Variants in AJAP1 observed in about 807,000 individuals in gnomAD.
AJAP1 encodes adherens junction-associated protein 1.
AJAP1 carries 5 observed loss-of-function variants against 35.0 expected under a neutral mutation model. That is an observed-to-expected ratio of 0.14 (90% CI 0.07 to 0.30). The LOEUF is 0.30. Among genes scored for constraint, AJAP1 ranks in the 10% least tolerant of loss-of-function variants. The pLI is 1.00. For synonymous variants in AJAP1, 284 were observed against 249.3 expected, an observed-to-expected ratio of 1.14 and a Z score of -1.31; for missense variants, 586 against 571.0, an observed-to-expected ratio of 1.03 and a Z score of -0.27.
intron 1 of AJAP1, among the ~76,000 whole-genome samples, chr1:4,695,166 A>G (rs9970616): frequency 0.094 from 14,360 of 152,098 alleles, 858 homozygotes; most frequent in African/African-American, 0.16. Flanking sequence ...GGGAGTGGCC[A>G]TGTAGGGACT....
chr1:4,713,154 CCATGGACGGGGG>C (rs1435678654), intron 2 of AJAP1, among the ~76,000 whole-genome samples: 1 of 152,180 alleles, frequency 6.6e-6, no homozygotes, highest in Non-Finnish European at 1.5e-5. Flanking sequence ...GGTATGGGAC[CCATGGACGGGGG>C]CATGGACGGG....
At chr1:4,756,918 G>T (rs1454535403) in intron 2 of AJAP1, among the ~76,000 whole-genome samples, 1 of 152,096 alleles carries the variant, frequency 6.6e-6, no homozygotes, top group African/African-American at 2.4e-5. Context: ...TGGAACCTCA[G>T]GCTGCCCCTA....
At chr1:4,672,039 C>T (rs917032250) in intron 1 of AJAP1, among the ~76,000 whole-genome samples, 1 of 152,204 alleles carries the variant, frequency 6.6e-6, no homozygotes, top group African/African-American at 2.4e-5. Flanking sequence ...GCAGTCGCGT[C>T]TGAGACTCAC....
chr1:4,739,319 C>G (rs545117649), intron 2 of AJAP1, among the ~76,000 whole-genome samples: 1 of 152,148 alleles, frequency 6.6e-6, no homozygotes, highest in East Asian at 1.9e-4. Flanking sequence ...TGGGGTCTGC[C>G]GGCCTTGGAA....
chr1:4,708,367 GGTCGGCAGCCAT>G (rs1222801636), intron 1 of AJAP1, among the ~76,000 whole-genome samples: 2 of 152,146 alleles, frequency 1.3e-5, no homozygotes, highest in Admixed American at 1.3e-4. Context: ...TTGGTGCTGT[GGTCGGCAGCCAT>G]GCCACAGGGC....
Position 4,696,659 on chromosome 1 carries a change from G to A in AJAP1, c.30-15241G>A, listed in dbSNP as rs368999862. ...GGAACCTTGCAAGGACTTGGAAACC[G>A]CAGCCAGTGATTGTTGTGTGTGCAT... is the stretch of plus-strand genomic sequence containing the variant. On this transcript the variant is annotated intron_variant, in intron 1 of 5. Coordinates refer to ENST00000378191, the MANE Select transcript of AJAP1 (RefSeq NM_018836.4). 2.2e-4 allele frequency among the ~76,000 whole-genome samples: 34 copies of A among 152,354 alleles called. No homozygotes were observed. In the East Asian group the frequency reaches 5.4e-3, roughly 24 times the overall value.
intron 1 of AJAP1, among the ~76,000 whole-genome samples, chr1:4,708,920 A>G (rs1378866113): frequency 6.6e-6 from 1 of 152,198 alleles, no homozygotes; most frequent in Non-Finnish European, 1.5e-5. Context: ...TCACTTTAAA[A>G]AGGAAGAAAC....
In AJAP1 at chr1:4,772,540, T is replaced by C. The variant is rs758323250; in HGVS notation, c.1163+15T>C. 1.2e-6 allele frequency: 2 copies of C among 1,611,082 alleles called. No homozygotes were observed. The highest frequency in any genetic ancestry group is 2.2e-5 in the South Asian group (2 of 90,946). On this transcript the variant is annotated intron_variant, in intron 4 of 5. Coordinates refer to ENST00000378191, the MANE Select transcript of AJAP1 (RefSeq NM_018836.4). ...AATGGAAACCGGTAAGCTCGGGCTC[T>C]GCTAGACCCTGCAGCTGTGAAGCTC...
intron 3 of AJAP1, among the ~76,000 whole-genome samples, chr1:4,772,045 C>T (rs1641846262): frequency 6.6e-6 from 1 of 151,860 alleles, no homozygotes; most frequent in African/African-American, 2.4e-5. Flanking sequence ...ACCCCTCATC[C>T]TCCCTGCTGT....
intron 1 of AJAP1, among the ~76,000 whole-genome samples, chr1:4,689,424 G>T (rs570271521): frequency 6.6e-6 from 1 of 152,188 alleles, no homozygotes; most frequent in Non-Finnish European, 1.5e-5. Context: ...GGCCAGGAAC[G>T]CAAGGCCCAG....
intron 2 of AJAP1, among the ~76,000 whole-genome samples, chr1:4,719,481 G>A (rs1198863322): frequency 2.6e-5 from 4 of 152,144 alleles, no homozygotes; most frequent in Admixed American, 2.6e-4. Flanking sequence ...GAAGGAAACA[G>A]GAGCCGTTGC....
intron 1 of AJAP1, among the ~76,000 whole-genome samples, chr1:4,695,755 G>A (rs1476636394): frequency 3.3e-5 from 5 of 152,092 alleles, no homozygotes; most frequent in African/African-American, 1.2e-4. Context: ...AGTCCCTATT[G>A]GATTAGGGCC....
In AJAP1 at chr1:4,712,232, C is replaced by T; in HGVS notation, c.362C>T (p.Pro121Leu). Residue 121 changes from proline to leucine, a missense_variant, in exon 2 of 6, where the codon CCA (proline) becomes CTA (leucine). Pro to Leu is a moderately conservative substitution (Grantham distance 98, BLOSUM62 -3). Coordinates refer to ENST00000378191, the MANE Select transcript of AJAP1 (RefSeq NM_018836.4). ...LVPKAGLAKP[P>L]AAAKSSPSLA... Reference sequence around the variant, plus strand: ...CCCAAGGCAGGACTGGCCAAGCCCCCAGCTGCTGCCAAATCCAGCCCTTCC... The same window carrying T: ...CCCAAGGCAGGACTGGCCAAGCCCCTAGCTGCTGCCAAATCCAGCCCTTCC... The T allele has an allele frequency of 2.0e-6, 3 of 1,535,946 alleles. No homozygotes were observed. The highest frequency in any genetic ancestry group is 1.3e-5 in the South Asian group (1 of 79,480).
rs1429361710 is a variant in AJAP1, at chr1:4,666,827, C to T, written c.29+11373C>T. On this transcript the variant is annotated intron_variant, in intron 1 of 5. Transcript: ENST00000378191. ...GTTGCGGAGAGGGGCCCATGAATCA[C>T]GGAGGGGTTGCAGAGAGGAGCCTGT... 3.6e-5 allele frequency among the ~76,000 whole-genome samples: 5 copies of T among 139,988 alleles called. 1 individual carries two copies. Among genetic ancestry groups the T allele is most frequent in the South Asian group, 2.3e-4 (1 of 4,256 alleles). 91.8% of individuals were successfully genotyped at this position (139,988 alleles called of 152,430 possible).
chr1:4,724,262 C>T (rs1486610888), intron 2 of AJAP1, among the ~76,000 whole-genome samples: 1 of 152,064 alleles, frequency 6.6e-6, no homozygotes, highest in Non-Finnish European at 1.5e-5. Context: ...GGAGAGGGGG[C>T]ACTTGAGCGA....
chr1:4,713,529 C>T (rs560361469), intron 2 of AJAP1, among the ~76,000 whole-genome samples: 1 of 152,344 alleles, frequency 6.6e-6, no homozygotes, highest in Non-Finnish European at 1.5e-5. Context: ...TGGAAATCTC[C>T]CAAGCCAGGG....
intron 1 of AJAP1, among the ~76,000 whole-genome samples, chr1:4,680,864 C>G (rs985710638): frequency 2.6e-5 from 4 of 152,106 alleles, no homozygotes; most frequent in African/African-American, 9.7e-5. Flanking sequence ...GGACTTTTGG[C>G]TGAAGTAGAG....
intron 2 of AJAP1, among the ~76,000 whole-genome samples, chr1:4,729,196 C>T (rs1289262775): frequency 6.6e-6 from 1 of 152,244 alleles, no homozygotes; most frequent in Non-Finnish European, 1.5e-5. Flanking sequence ...ATAAGCGGGC[C>T]CAGCCTCACA....
chr1:4,751,250 C>T (rs1021819184), intron 2 of AJAP1, among the ~76,000 whole-genome samples: 9 of 152,148 alleles, frequency 5.9e-5, no homozygotes, highest in Admixed American at 3.9e-4. Context: ...CAGCCTTGGT[C>T]GCTGGACACC....
Sources: gnomAD v4.1 joint callset for allele counts (sites outside exome capture counted in the v4.1 genomes callset) on GRCh38, gnomAD v4.1.1 for gene constraint, MANE v1.5 for transcripts, NCBI Gene and HGNC (gene_info 2026-07-23, HGNC 2026-07-21) for gene names.